The following ZNF613 variants were observed in gnomAD, a reference collection of about 807,000 sequenced individuals.
The protein encoded by ZNF613 is zinc finger protein 613.
In ZNF613, 8 loss-of-function variants were observed where a neutral mutation model predicts 14.3. The ratio of observed to expected loss-of-function variants is 0.56; its 90% confidence interval spans 0.33 to 1.01. The LOEUF (loss-of-function observed/expected upper bound fraction) is 1.01, where lower values mean the gene tolerates loss of function less well. Ranked by LOEUF, ZNF613 falls within the 50% of genes least tolerant of loss-of-function variation. The pLI, the probability that ZNF613 is intolerant of heterozygous loss-of-function variation, is 0.03. For synonymous variants in ZNF613, 228 were observed against 254.5 expected (o/e 0.90, Z 0.99); for missense variants, 656 against 741.9 (o/e 0.88, Z 1.35).
chr19:51,935,315 C>A (rs928578442), intron 2 of ZNF613, among the ~76,000 whole-genome samples: 1 of 152,158 alleles, frequency 6.6e-6, no homozygotes, highest in African/African-American at 2.4e-5. Context: ...GGCCATCTTC[C>A]ATGATGAATG....
rs1405825024 is a variant in ZNF613 at position 51,946,482 on chromosome 19, C to T, written c.*745C>T. The T allele has an allele frequency of 6.6e-6, 1 of 152,162 alleles. No individual in the cohort carries two copies. Among genetic ancestry groups the T allele is most frequent in the Non-Finnish European group, 1.5e-5 (1 of 68,024 alleles). The allele number at this position is 152,162 out of a possible 1,614,324, so 9.4% of individuals were successfully genotyped here. On this transcript the variant is annotated 3_prime_UTR_variant, in exon 6 of 6. Coordinates refer to ENST00000293471, the MANE Select transcript of ZNF613 (RefSeq NM_001031721.4). ...CTTGTGTTTCTTTGATTCCAAATTT[C>T]TTCACTTGTTATTTCAGACTACTGA...
rs2085401147 is a variant in ZNF613, at chr19:51,946,268, T to C, written c.*531T>C. 1 of 158,196 alleles carries C rather than the reference T, an allele frequency of 6.3e-6. No homozygotes were observed. 9.8% of individuals were successfully genotyped at this position (158,196 alleles called of 1,614,324 possible). A position where few individuals can be genotyped will look rare whatever the true frequency, so the allele number is the denominator to read the frequency against. On this transcript the variant is annotated 3_prime_UTR_variant, in exon 6 of 6. Coordinates refer to ENST00000293471, the MANE Select transcript of ZNF613 (RefSeq NM_001031721.4). ...CGATCAGAAATCTAACATCATTATA[T>C]GGCAGATAATATACAGGATGTGTAT...
chr19:51,939,727 ACTC>A (rs894092061), intron 3 of ZNF613, among the ~76,000 whole-genome samples: 1 of 151,860 alleles, frequency 6.6e-6, no homozygotes, highest in Middle Eastern at 3.2e-3. Context: ...AGAGTCTTTT[ACTC>A]CTCCTAACAT....
chr19:51,944,515 AG>A lies in ZNF613; in HGVS notation c.634del (p.Ala212LeufsTer232), dbSNP rs1383239720. The A allele has an allele frequency of 6.2e-7, 1 of 1,612,506 alleles. No individual in the cohort carries two copies. Among genetic ancestry groups the A allele is most frequent in the African/African-American group, 1.3e-5 (1 of 74,910 alleles). On this transcript the variant is annotated frameshift_variant, in exon 6 of 6. Transcript: ENST00000293471. LOFTEE classifies it low-confidence loss of function (END_TRUNC). ...DKPHVCTECG[K>X]AFLKKSRLIY... ...CCCCATGTATGCACTGAGTGTGGGAAGGCTTTCCTCAAGAAGTCTCGCCTCA... is the reference window on the plus strand; with the variant it reads ...CCCCATGTATGCACTGAGTGTGGGAAGCTTTCCTCAAGAAGTCTCGCCTCA...
chr19:51,937,097 T>A (rs1356390976), intron 3 of ZNF613, among the ~76,000 whole-genome samples: 1 of 152,236 alleles, frequency 6.6e-6, no homozygotes, highest in East Asian at 1.9e-4. Context: ...ACCACCATAC[T>A]GTGCCCTGTG....
At position 51,940,241 on chromosome 19, in the gene ZNF613, GT is replaced by G; in HGVS notation, c.50del (p.Phe17SerfsTer20). ...TGACCCTGGAGGATGTGGCTGTGGA[GT>G]TCACTTGGGAGGAGTGGCAGCTCCT... ...SLTLEDVAVEFTWEEWQLLGP... is the reference protein window; with the variant it reads ...SLTLEDVAVEXTWEEWQLLGP... On this transcript the variant is annotated frameshift_variant, in exon 4 of 6. Transcript: ENST00000293471. LOFTEE classifies it high-confidence loss of function. 6.2e-7 allele frequency: 1 copy of G among 1,613,804 alleles called. No homozygotes were observed. Among genetic ancestry groups the G allele is most frequent in the Non-Finnish European group, 8.5e-7 (1 of 1,179,814 alleles).
chr19:51,937,736 T>TC (rs1306156681), intron 3 of ZNF613, among the ~76,000 whole-genome samples: 5 of 147,580 alleles, frequency 3.4e-5, no homozygotes, highest in Non-Finnish European at 7.5e-5. Flanking sequence ...TTTTTTTTTT[T>TC]TTTTTTTTTT....
chr19:51,932,302 CTT>C (rs34474633), intron 2 of ZNF613, among the ~76,000 whole-genome samples: 16 of 90,954 alleles, frequency 1.8e-4, no homozygotes, highest in Middle Eastern at 0.01. Flanking sequence ...CTCCCAACAT[CTT>C]TTTTTTTTTT....
At chr19:51,928,061 CTATCT>C in intron 1 of ZNF613, 1 of 142,096 alleles carries the variant, frequency 7.0e-6, no homozygotes, top group African/African-American at 2.8e-5. Context: ...ATCTATCTAT[CTATCT>C]ATCTATCTAT....
chr19:51,936,333 A>G, intron 3 of ZNF613, 98 bp downstream of exon 3: 1 of 1,288,174 alleles, frequency 7.8e-7, no homozygotes, highest in Non-Finnish European at 1.1e-6. Context: ...ATAATTTGGT[A>G]AACTAGGATT....
In ZNF613 at chr19:51,946,245, A is replaced by T. The variant is rs1003464816; in HGVS notation, c.*508A>T. 3 of 158,704 alleles carry T rather than the reference A, an allele frequency of 1.9e-5. No homozygotes were observed. The highest frequency in any genetic ancestry group is 7.2e-5 in the African/African-American group (3 of 41,478). 9.8% of individuals were successfully genotyped at this position (158,704 alleles called of 1,614,324 possible). On this transcript the variant is annotated 3_prime_UTR_variant, in exon 6 of 6. Coordinates refer to ENST00000293471, the MANE Select transcript of ZNF613 (RefSeq NM_001031721.4). Reference sequence around the variant, plus strand: ...GAAAAGGAGTATTTTAGAGATTTCGATCAGAAATCTAACATCATTATATGG... The same window carrying T: ...GAAAAGGAGTATTTTAGAGATTTCGTTCAGAAATCTAACATCATTATATGG...
chr19:51,944,835 T>G lies in ZNF613; in HGVS notation c.952T>G (p.Cys318Gly), dbSNP rs1364882000. 5.6e-6 allele frequency: 9 copies of G among 1,613,710 alleles called. No individual in the cohort carries two copies. The South Asian group carries it at 8.8e-5, about 16-fold the overall frequency. Residue 318 changes from cysteine (C) to glycine (G), a missense_variant, in exon 6 of 6, where the codon TGC (cysteine) becomes GGC (glycine). Transcript: ENST00000293471. ...RVHTGEKPHG[C>G]SLCGKAFSKR... ...TCATACAGGAGAGAAACCACATGGA[T>G]GCAGCCTGTGTGGGAAGGCCTTCTC...
intron 3 of ZNF613, 56 bp downstream of exon 3, chr19:51,936,291 CT>C: frequency 6.4e-7 from 1 of 1,552,346 alleles, no homozygotes; most frequent in Non-Finnish European, 8.7e-7. Context: ...TTCTGGAAGA[CT>C]TTAAAAGTCA....
chr19:51,939,919 AAAG>A lies in ZNF613; in HGVS notation c.16-288_16-286del, dbSNP rs1243346337. ...CTGGCAAATAGGTGCTCAAAAAAAAAAAGAGGATTAGCAAGAGGATTAAATGAT... is the reference window on the plus strand; with the variant it reads ...CTGGCAAATAGGTGCTCAAAAAAAAAAGGATTAGCAAGAGGATTAAATGAT... On this transcript the variant is annotated intron_variant, in intron 3 of 5. Coordinates refer to ENST00000293471, the MANE Select transcript of ZNF613 (RefSeq NM_001031721.4). Among the ~76,000 whole-genome samples, 3 of 151,924 alleles carry A rather than the reference AAAG, an allele frequency of 2.0e-5. No homozygotes were observed. In the East Asian group the frequency reaches 5.8e-4, roughly 29 times the overall value.
intron 1 of ZNF613, among the ~76,000 whole-genome samples, chr19:51,929,257 G>A (rs551260942): frequency 6.6e-6 from 1 of 152,020 alleles, no homozygotes; most frequent in Non-Finnish European, 1.5e-5. Context: ...CCATCAAGAG[G>A]CAAAACTGCA....
chr19:51,937,635 C>T (rs113720841), intron 3 of ZNF613, among the ~76,000 whole-genome samples: 1 of 151,862 alleles, frequency 6.6e-6, no homozygotes, highest in Admixed American at 6.6e-5. Context: ...GACCAGTTCC[C>T]GAGAGGTGTC....
At chr19:51,934,319 T>C (rs2085289827) in intron 2 of ZNF613, among the ~76,000 whole-genome samples, 1 of 152,162 alleles carries the variant, frequency 6.6e-6, no homozygotes, top group African/African-American at 2.4e-5. Flanking sequence ...GTATATATGC[T>C]TTTGTTTTTT....
intron 3 of ZNF613, among the ~76,000 whole-genome samples, chr19:51,937,533 G>A (rs1299888435): frequency 6.6e-6 from 1 of 152,106 alleles, no homozygotes; most frequent in African/African-American, 2.4e-5. Flanking sequence ...GTGGGTTATA[G>A]TAGCTGTCAC....
At chr19:51,940,792 C>T in intron 5 of ZNF613, 83 bp downstream of exon 5, 1 of 1,137,388 alleles carries the variant, frequency 8.8e-7, no homozygotes, top group South Asian at 1.6e-5. Flanking sequence ...GCTGTCAGGG[C>T]ATCTGAGGCT....
Sources: allele counts gnomAD v4.1 joint callset (sites outside exome capture counted in the v4.1 genomes callset), GRCh38; gene constraint gnomAD v4.1.1; transcripts MANE v1.5; gene names NCBI Gene and HGNC (gene_info 2026-07-23, HGNC 2026-07-21).